The following CTNNA2 variants were observed in gnomAD, a reference collection of about 807,000 sequenced individuals.
CTNNA2 encodes the protein catenin alpha 2.
In CTNNA2, 42 loss-of-function variants were observed where a neutral mutation model predicts 101.0. The observed-to-expected ratio is 0.42, with a 90% confidence interval of 0.32 to 0.54. The LOEUF (loss-of-function observed/expected upper bound fraction) is 0.54, where lower values mean the gene tolerates loss of function less well. Ranked by LOEUF, CTNNA2 falls within the 20% of genes least tolerant of loss-of-function variation. The probability of loss-of-function intolerance (pLI) is 0.14; values close to 1 mark genes in which losing one functional copy is unlikely to be tolerated. For synonymous variants in CTNNA2, 450 were observed against 456.4 expected, an observed-to-expected ratio of 0.99 and a Z score of 0.18; for missense variants, 871 against 1,223.1, an observed-to-expected ratio of 0.71 and a Z score of 4.29.
chr2:80,011,741 C>T (rs1419385580), intron 7 of CTNNA2, among the ~76,000 whole-genome samples: 1 of 152,136 alleles, frequency 6.6e-6, no homozygotes, highest in Non-Finnish European at 1.5e-5. Flanking sequence ...AGTTCTTTCT[C>T]TGTTTTTCCC....
chr2:79,499,583 T>C lies in CTNNA2; in HGVS notation c.-134-5471T>C, dbSNP rs374166671. On this transcript the variant is annotated intron_variant, in intron 4 of 21. Transcript: ENST00000466387. ...GACCCCTTTAGAGCTCCCCTCTAGA[T>C]TTCTTACGCCACCTATGTAATAGGA... 1.1e-3 allele frequency among the ~76,000 whole-genome samples: 172 copies of C among 152,336 alleles called. 2 individuals carry two copies. The South Asian group carries it at 0.022, about 20-fold the overall frequency.
At chr2:80,461,655 C>T (rs1684437668) in intron 9 of CTNNA2, among the ~76,000 whole-genome samples, 1 of 151,904 alleles carries the variant, frequency 6.6e-6, no homozygotes, top group Admixed American at 6.6e-5. Flanking sequence ...TGTACTGGTG[C>T]TTTTATCTTG....
chr2:80,518,149 G>A (rs533759699), intron 9 of CTNNA2, among the ~76,000 whole-genome samples: 11 of 152,240 alleles, frequency 7.2e-5, no homozygotes, highest in African/African-American at 2.6e-4. Flanking sequence ...AAATCTCAAT[G>A]GATTATTGAG....
chr2:79,847,542 C>CAAAAAAAAAAAAAAAA (rs70940050), intron 3 of CTNNA2, among the ~76,000 whole-genome samples: 1 of 40,160 alleles, frequency 2.5e-5, no homozygotes, highest in Non-Finnish European at 4.3e-5. Context: ...GACTCTGTCT[C>CAAAAAAAAAAAAAAAA]AAAAAAAAAA....
At chr2:80,583,446 G>A (rs773040652) in intron 14 of CTNNA2, among the ~76,000 whole-genome samples, 3 of 152,142 alleles carry the variant, frequency 2.0e-5, no homozygotes, top group African/African-American at 4.8e-5. Flanking sequence ...TTGGCAAAAC[G>A]TCAGATGAAT....
intron 7 of CTNNA2, among the ~76,000 whole-genome samples, chr2:80,009,756 G>GTGTC (rs367758452): frequency 1.5e-3 from 223 of 148,184 alleles, no homozygotes; most frequent in Non-Finnish European, 2.2e-3. Flanking sequence ...GTGTGTCAGA[G>GTGTC]AGAGAGACAG....
chr2:79,927,039 G>A (rs1687066724), intron 7 of CTNNA2, among the ~76,000 whole-genome samples: 1 of 152,066 alleles, frequency 6.6e-6, no homozygotes, highest in Admixed American at 6.6e-5. Context: ...TATACTTTGG[G>A]GCTAGGGATG....
At chr2:79,329,197 T>A (rs1676815056) in intron 3 of CTNNA2, among the ~76,000 whole-genome samples, 1 of 152,158 alleles carries the variant, frequency 6.6e-6, no homozygotes, top group Non-Finnish European at 1.5e-5. Flanking sequence ...GAATGTTCAG[T>A]TAAACAGTTA....
chr2:80,422,934 G>A (rs1214864977), intron 9 of CTNNA2, among the ~76,000 whole-genome samples: 1 of 151,958 alleles, frequency 6.6e-6, no homozygotes, highest in Non-Finnish European at 1.5e-5. Flanking sequence ...GGTCAGTTTT[G>A]TTAATTTGCC....
chr2:79,232,504 T>C lies in CTNNA2; in HGVS notation c.-406+34428T>C, dbSNP rs558307604. On this transcript the variant is annotated intron_variant, in intron 2 of 21. Coordinates refer to the CTNNA2 transcript ENST00000466387. ...GGGATATTGGCCTGAATTTTCTTTT[T>C]TCATTGTGTCTCTGCCATGTTTTGC... Among the ~76,000 whole-genome samples the C allele has an allele frequency of 1.2e-4, 19 of 152,306 alleles. 1 individual carries two copies. In the South Asian group the frequency reaches 3.7e-3, roughly 30 times the overall value.
chr2:80,065,018 C>A (rs937628734), intron 7 of CTNNA2, among the ~76,000 whole-genome samples: 3 of 152,106 alleles, frequency 2.0e-5, no homozygotes, highest in African/African-American at 7.2e-5. Context: ...AGTGCAAATG[C>A]AAGTTTATCC....
At chr2:80,379,284 C>CGTCTCAGCT (rs1244319150) in intron 7 of CTNNA2, among the ~76,000 whole-genome samples, 1 of 152,098 alleles carries the variant, frequency 6.6e-6, no homozygotes, top group Non-Finnish European at 1.5e-5. Context: ...CTTTGTCCAT[C>CGTCTCAGCT]GTCTCAGCTA....
At chr2:80,282,041 C>G (rs745714539) in intron 7 of CTNNA2, among the ~76,000 whole-genome samples, 2 of 151,918 alleles carry the variant, frequency 1.3e-5, no homozygotes, top group Non-Finnish European at 2.9e-5. Flanking sequence ...CATAATGATG[C>G]TAGCAACTGT....
At chr2:79,437,519 G>C (rs762160954) in intron 4 of CTNNA2, among the ~76,000 whole-genome samples, 7 of 152,144 alleles carry the variant, frequency 4.6e-5, no homozygotes, top group Admixed American at 1.3e-4. Flanking sequence ...TAGAAATGCA[G>C]TTCTCAGGTT....
chr2:80,216,292 C>A (rs1427883103), intron 7 of CTNNA2, among the ~76,000 whole-genome samples: 1 of 152,162 alleles, frequency 6.6e-6, no homozygotes, highest in Non-Finnish European at 1.5e-5. Context: ...TGAGATGAAC[C>A]TGGTACCTCA....
At chr2:80,011,397 T>C (rs1558726458) in intron 7 of CTNNA2, among the ~76,000 whole-genome samples, 1 of 152,164 alleles carries the variant, frequency 6.6e-6, no homozygotes, top group Non-Finnish European at 1.5e-5. Flanking sequence ...GGCCCATAAC[T>C]GTTTGGCCTT....
At chr2:79,401,965 G>A (rs888425463) in intron 4 of CTNNA2, among the ~76,000 whole-genome samples, 1 of 151,384 alleles carries the variant, frequency 6.6e-6, no homozygotes, top group Non-Finnish European at 1.5e-5. Context: ...AAAATGCTAG[G>A]AAAAAAGATA....
chr2:80,335,243 C>T (rs760294034), intron 7 of CTNNA2, among the ~76,000 whole-genome samples: 5 of 152,182 alleles, frequency 3.3e-5, no homozygotes, highest in Non-Finnish European at 7.3e-5. Flanking sequence ...ATGTAAATGG[C>T]TGCTACAGTT....
chr2:79,489,631 C>T (rs1252438997), intron 4 of CTNNA2, among the ~76,000 whole-genome samples: 3 of 152,170 alleles, frequency 2.0e-5, no homozygotes, highest in Non-Finnish European at 4.4e-5. Flanking sequence ...AATAAGATAA[C>T]TGTATCTACC....
Sources: allele counts gnomAD v4.1 joint callset (sites outside exome capture counted in the v4.1 genomes callset), GRCh38; gene constraint gnomAD v4.1.1; transcripts MANE v1.5; gene names NCBI Gene and HGNC (gene_info 2026-07-23, HGNC 2026-07-21).